The following RHOBTB3 variants were observed in gnomAD, a reference collection of about 807,000 sequenced individuals.
RHOBTB3 encodes the protein rho-related BTB domain-containing protein 3.
In RHOBTB3, 47 loss-of-function variants were observed where a neutral mutation model predicts 67.2. That is an observed-to-expected ratio of 0.70 (90% CI 0.55 to 0.89). The LOEUF is 0.89. Ranked by LOEUF, RHOBTB3 falls within the 40% of genes least tolerant of loss-of-function variation. The probability of loss-of-function intolerance (pLI) is 0.00; values close to 1 mark genes in which losing one functional copy is unlikely to be tolerated. For synonymous variants in RHOBTB3, 273 were observed against 274.2 expected (o/e 1.00, Z 0.04); for missense variants, 631 against 750.0 (o/e 0.84, Z 1.85).
At chr5:95,788,527 G>A (rs558621698) in intron 10 of RHOBTB3, among the ~76,000 whole-genome samples, 7 of 152,260 alleles carry the variant, frequency 4.6e-5, no homozygotes, top group South Asian at 2.1e-4. Flanking sequence ...TCCGGCAGCC[G>A]TAGATTGTTA....
At chr5:95,721,056 T>A (rs1016904038) in intron 1 of RHOBTB3, among the ~76,000 whole-genome samples, 6 of 152,238 alleles carry the variant, frequency 3.9e-5, no homozygotes, top group African/African-American at 1.2e-4. Flanking sequence ...CCGGTGGTAA[T>A]TAATCCTTAT....
intron 4 of RHOBTB3, among the ~76,000 whole-genome samples, chr5:95,750,487 AT>A (rs1207810414): frequency 1.3e-5 from 2 of 152,220 alleles, no homozygotes; most frequent in African/African-American, 4.8e-5. Context: ...TATGAACCAT[AT>A]TTTAGGTGCT....
chr5:95,783,600 G>T, intron 9 of RHOBTB3, 197 bp from the exon 10 acceptor site: 1 of 286,238 alleles, frequency 3.5e-6, no homozygotes, highest in Non-Finnish European at 6.3e-6. Context: ...AAGAAGAAAG[G>T]AAAGAAAAAA....
chr5:95,763,447 A>G, intron 6 of RHOBTB3, 61 bp from the exon 7 acceptor site: 1 of 958,124 alleles, frequency 1.0e-6, no homozygotes, highest in Non-Finnish European at 1.7e-6. Context: ...TTAATAAGAG[A>G]TTTACTTTTG....
At chr5:95,788,400 A>G (rs747709860) in intron 10 of RHOBTB3, among the ~76,000 whole-genome samples, 16 of 152,314 alleles carry the variant, frequency 1.1e-4, no homozygotes, top group Middle Eastern at 3.4e-3. Flanking sequence ...GCTCACCATC[A>G]TCTACTACAC....
At chr5:95,792,656 G>T (rs1035104167) in intron 11 of RHOBTB3, among the ~76,000 whole-genome samples, 9 of 151,656 alleles carry the variant, frequency 5.9e-5, no homozygotes, top group African/African-American at 1.9e-4. Flanking sequence ...GCTGGGCGTG[G>T]TGTCACACGC....
At chr5:95,776,367 A>T (rs1745881002) in intron 8 of RHOBTB3, among the ~76,000 whole-genome samples, 1 of 152,102 alleles carries the variant, frequency 6.6e-6, no homozygotes, top group African/African-American at 2.4e-5. Context: ...AGATCATACC[A>T]CTTTACTCTA....
At chr5:95,780,111 T>TG in intron 8 of RHOBTB3, 141 bp from the exon 9 acceptor site, 1 of 581,992 alleles carries the variant, frequency 1.7e-6, no homozygotes, top group Non-Finnish European at 3.0e-6. Flanking sequence ...TCTGGATTAA[T>TG]GGTAGTTATC....
upstream of RHOBTB3, among the ~76,000 whole-genome samples, chr5:95,729,475 T>G (rs745938165): frequency 6.6e-6 from 1 of 152,212 alleles, no homozygotes; most frequent in African/African-American, 2.4e-5. Context: ...TATTTTTATA[T>G]TGTCATAAAA....
intron 3 of RHOBTB3, among the ~76,000 whole-genome samples, chr5:95,738,203 C>A (rs1429695983): frequency 6.6e-6 from 1 of 152,152 alleles, no homozygotes; most frequent in Non-Finnish European, 1.5e-5. Flanking sequence ...TTAGTAGATA[C>A]AAGTAAGGCA....
At chr5:95,748,268 T>G in intron 3 of RHOBTB3, 65 bp from the exon 4 acceptor site, 1 of 1,241,694 alleles carries the variant, frequency 8.1e-7, no homozygotes, top group Non-Finnish European at 1.1e-6. Flanking sequence ...ATGTTCAGAT[T>G]GTCTGTGTAC....
intron 3 of RHOBTB3, among the ~76,000 whole-genome samples, chr5:95,745,732 CTCAT>C (rs1173641367): frequency 6.6e-6 from 1 of 152,102 alleles, no homozygotes; most frequent in Non-Finnish European, 1.5e-5. Flanking sequence ...AAGTGTAGCA[CTCAT>C]TCAGAGTCAC....
intron 1 of RHOBTB3, chr5:95,719,882 T>C (rs1007397492): frequency 2.6e-5 from 4 of 152,248 alleles, no homozygotes; most frequent in Non-Finnish European, 5.9e-5. Context: ...GTTGGTATAG[T>C]TCTAATAAAA....
At chr5:95,739,876 A>G (rs760210249) in intron 3 of RHOBTB3, among the ~76,000 whole-genome samples, 8 of 152,140 alleles carry the variant, frequency 5.3e-5, no homozygotes, top group Middle Eastern at 3.2e-3. Context: ...ATACTTCTTC[A>G]ACTTTTCTTA....
At chr5:95,767,223 G>A (rs1266824572) in intron 7 of RHOBTB3, among the ~76,000 whole-genome samples, 1 of 152,078 alleles carries the variant, frequency 6.6e-6, no homozygotes, top group African/African-American at 2.4e-5. Context: ...AAAAGATGGA[G>A]GTGAACCACT....
At chr5:95,742,688 A>AT (rs1755632867) in intron 3 of RHOBTB3, among the ~76,000 whole-genome samples, 1 of 152,120 alleles carries the variant, frequency 6.6e-6, no homozygotes, top group Admixed American at 6.5e-5. Flanking sequence ...GCCTTATTAA[A>AT]TTTTTTATTT....
intron 5 of RHOBTB3, among the ~76,000 whole-genome samples, chr5:95,752,915 A>G (rs981387590): frequency 6.6e-6 from 1 of 152,128 alleles, no homozygotes; most frequent in African/African-American, 2.4e-5. Context: ...GAGGATCACA[A>G]GGTCAGGAGA....
rs1199349645 is a variant in RHOBTB3 at position 95,789,466 on chromosome 5, G to GA, written c.1720+615dup. On this transcript the variant is annotated intron_variant, in intron 11 of 11. Transcript: ENST00000379982. ...TGAACTACTGAGTACTGCATAAAAA[G>GA]AAAAAAATGAAAATATAATAGTTGT... The GA allele has an allele frequency of 4.6e-5, 7 of 152,100 alleles. No homozygotes were observed. The East Asian group carries it at 7.7e-4, about 17-fold the overall frequency. 9.4% of individuals were successfully genotyped at this position (152,100 alleles called of 1,614,324 possible).
intron 1 of RHOBTB3, among the ~76,000 whole-genome samples, chr5:95,724,312 C>T (rs1014721467): frequency 2.6e-5 from 4 of 152,240 alleles, no homozygotes; most frequent in South Asian, 2.1e-4. Flanking sequence ...ATATATTTCC[C>T]GCTTGCAAAA....
Sources: allele counts gnomAD v4.1 joint callset (sites outside exome capture counted in the v4.1 genomes callset), GRCh38; gene constraint gnomAD v4.1.1; transcripts MANE v1.5; gene names NCBI Gene and HGNC (gene_info 2026-07-23, HGNC 2026-07-21).